ARFGAP3: variants seen among roughly 807,000 people sequenced by gnomAD.
The protein encoded by ARFGAP3 is ADP-ribosylation factor GTPase-activating protein 3.
In ARFGAP3, 72 loss-of-function variants were observed where a neutral mutation model predicts 75.0. The ratio of observed to expected loss-of-function variants is 0.96; its 90% CI spans 0.79 to 1.17. The LOEUF (loss-of-function observed/expected upper bound fraction) is 1.17. Ranked by LOEUF, ARFGAP3 falls within the 50% of genes most tolerant of loss-of-function variation. ARFGAP3 has a pLI of 0.00. For missense variants in ARFGAP3, 620 were observed against 626.6 expected (o/e 0.99, Z 0.11); for synonymous variants, 221 against 217.9 (o/e 1.01, Z -0.13).
At chr22:42,813,389 T>G (rs548081451) in intron 11 of ARFGAP3, among the ~76,000 whole-genome samples, 17 of 152,308 alleles carry the variant, frequency 1.1e-4, no homozygotes, top group Admixed American at 3.9e-4. Flanking sequence ...GGGTCAGCAC[T>G]GGACTGGTGC....
chr22:42,855,503 T>C (rs758905292), intron 1 of ARFGAP3, among the ~76,000 whole-genome samples: 23 of 151,912 alleles, frequency 1.5e-4, no homozygotes, highest in Non-Finnish European at 3.1e-4. Flanking sequence ...GTGACTGACA[T>C]GGTGAAACCT....
At chr22:42,850,197 A>G (rs1181870015) in intron 1 of ARFGAP3, among the ~76,000 whole-genome samples, 1 of 152,134 alleles carries the variant, frequency 6.6e-6, no homozygotes, top group Non-Finnish European at 1.5e-5. Flanking sequence ...AGTAGTATTT[A>G]TAACTCATTA....
chr22:42,817,016 G>C (rs1261421812), intron 11 of ARFGAP3, 126 bp downstream of exon 11: 3 of 720,490 alleles, frequency 4.2e-6, no homozygotes, highest in Admixed American at 2.7e-5. Context: ...TCTGGCTCCA[G>C]CCAGAGCTTT....
At chr22:42,841,831 C>CTTTCCT (rs1926793054) in intron 2 of ARFGAP3, among the ~76,000 whole-genome samples, 1 of 151,024 alleles carries the variant, frequency 6.6e-6, no homozygotes, top group Admixed American at 6.6e-5. Context: ...TCCACCAAAA[C>CTTTCCT]TTTCCTTTGT....
intron 4 of ARFGAP3, 63 bp downstream of exon 4, chr22:42,835,299 A>G: frequency 6.4e-7 from 1 of 1,571,646 alleles, no homozygotes; most frequent in Non-Finnish European, 8.6e-7. Flanking sequence ...TCAGGATAAA[A>G]ATCACTTTTT....
At chr22:42,802,928 C>T (rs2413722) in intron 14 of ARFGAP3, among the ~76,000 whole-genome samples, 59,618 of 152,050 alleles carry the variant, frequency 0.39, 12,269 homozygotes, top group Non-Finnish European at 0.45. Flanking sequence ...TAGAATACCA[C>T]GTATTAATTT....
intron 1 of ARFGAP3, among the ~76,000 whole-genome samples, chr22:42,848,455 G>A (rs576673246): frequency 2.0e-5 from 3 of 152,288 alleles, no homozygotes; most frequent in East Asian, 1.9e-4. Context: ...TGATCCACCC[G>A]CCTTGGACTC....
chr22:42,804,221 T>C (rs748448784), intron 14 of ARFGAP3, among the ~76,000 whole-genome samples: 1 of 151,290 alleles, frequency 6.6e-6, no homozygotes, highest in Non-Finnish European at 1.5e-5. Context: ...TTTCCTTTTC[T>C]TTTTTTTGAA....
intron 9 of ARFGAP3, among the ~76,000 whole-genome samples, chr22:42,818,827 T>TTTTTTTTTTTTTTTTTTTTC (rs1925690080): frequency 6.7e-6 from 1 of 148,778 alleles, no homozygotes; most frequent in Non-Finnish European, 1.5e-5. Flanking sequence ...TCTTTCTGTT[T>TTTTTTTTTTTTTTTTTTTTC]TTTGAAATGG....
At chr22:42,804,376 A>T (rs1332304731) in intron 14 of ARFGAP3, among the ~76,000 whole-genome samples, 3 of 74,478 alleles carry the variant, frequency 4.0e-5, no homozygotes, top group African/African-American at 1.2e-4. Context: ...CACCCAGCTA[A>T]TTTTTTTTTT....
At position 42,847,573 on chromosome 22, in the gene ARFGAP3, G is replaced by C. The variant is rs763477713; in HGVS notation, c.129C>G (p.Phe43Leu). The stretch of plus-strand genomic sequence containing the variant: ...GGGACCCTGAGCAATCAATGCAAAG[G>C]AACACTCCATAGGTTATGCTTGCCC... Reference protein sequence around the residue: ...PSWASITYGVFLCIDCSGSHR... With the variant: ...PSWASITYGVLLCIDCSGSHR... Residue 43 changes from phenylalanine to leucine, a missense_variant, in exon 2 of 16, where the codon TTC becomes TTG. By Grantham distance (22) the Phe-to-Leu change is conservative. Coordinates refer to ENST00000263245, the MANE Select transcript of ARFGAP3 (RefSeq NM_014570.5). 2 of 1,613,570 alleles carry C rather than the reference G, an allele frequency of 1.2e-6. No individual in the cohort carries two copies. Among genetic ancestry groups the C allele is most frequent in the Non-Finnish European group, 1.7e-6 (2 of 1,179,784 alleles).
At position 42,807,089 on chromosome 22, in the gene ARFGAP3, C is replaced by T. The variant is rs904498506; in HGVS notation, c.1395G>A (p.Pro465=). ...SISSADLFEE[P]RKQPAGNYSL... The stretch of plus-strand genomic sequence containing the variant: ...GCCCCCTACCTGCTGGCTGCTTCCT[C>T]GGCTCCTCGAACAGATCAGCCGAGC... The change falls in exon 14 of 16, where the codon CCG becomes CCA. Residue 465 remains proline, a synonymous_variant. Coordinates refer to ENST00000263245, the MANE Select transcript of ARFGAP3 (RefSeq NM_014570.5). The T allele has an allele frequency of 3.1e-6, 5 of 1,611,218 alleles. No individual in the cohort carries two copies. The South Asian group carries it at 3.3e-5, about 11-fold the overall frequency.
chr22:42,844,254 A>G (rs1421656680), intron 2 of ARFGAP3, among the ~76,000 whole-genome samples: 5 of 151,890 alleles, frequency 3.3e-5, no homozygotes, highest in African/African-American at 7.3e-5. Flanking sequence ...CCCAGACTGA[A>G]GTGAAGTGGT....
chr22:42,798,163 A>G, intron 15 of ARFGAP3, among the ~76,000 whole-genome samples: 1 of 152,202 alleles, frequency 6.6e-6, no homozygotes, highest in South Asian at 2.1e-4. Context: ...GACATGAAAG[A>G]GCTCTATGCA....
chr22:42,810,032 G>A (rs1304933714), intron 12 of ARFGAP3, among the ~76,000 whole-genome samples: 1 of 151,070 alleles, frequency 6.6e-6, no homozygotes, highest in Admixed American at 6.6e-5. Context: ...AAAAAAATTG[G>A]GGAAAAAGGT....
In ARFGAP3 at chr22:42,835,475, G is replaced by A. The variant is rs767527010; in HGVS notation, c.280C>T (p.His94Tyr). 1.7e-5 allele frequency: 28 copies of A among 1,613,736 alleles called. No homozygotes were observed. Among genetic ancestry groups the A allele is most frequent in the Non-Finnish European group, 2.3e-5 (27 of 1,179,872 alleles). Reference sequence around the variant, plus strand: ...TTGGTGTCATTGGTGGAACACCCATGTTGATGAAAAAAGGAAGACTACAGA... The same window carrying A: ...TTGGTGTCATTGGTGGAACACCCATATTGATGAAAAAAGGAAGACTACAGA... The part of the protein sequence containing the change: ...NASASSFFHQ[H>Y]GCSTNDTNAK... The change falls in exon 4 of 16, where the codon CAT becomes TAT. Residue 94 changes from histidine (H) to tyrosine (Y), a missense_variant. Transcript: ENST00000263245.
intron 2 of ARFGAP3, among the ~76,000 whole-genome samples, chr22:42,843,314 A>G (rs1926868384): frequency 6.6e-6 from 1 of 152,232 alleles, no homozygotes; most frequent in African/African-American, 2.4e-5. Flanking sequence ...GCATACAAAA[A>G]GTCGCTACAA....
chr22:42,801,599 G>T (rs1924863341), intron 14 of ARFGAP3, among the ~76,000 whole-genome samples: 1 of 152,216 alleles, frequency 6.6e-6, no homozygotes, highest in Admixed American at 6.5e-5. Context: ...CTGCAGCCTG[G>T]CACTGGCCAT....
At chr22:42,824,680 T>TTA (rs1925963260) in intron 7 of ARFGAP3, among the ~76,000 whole-genome samples, 1 of 152,122 alleles carries the variant, frequency 6.6e-6, no homozygotes. Flanking sequence ...ACTTTAAAAA[T>TTA]CATTATAATT....
Sources: allele counts gnomAD v4.1 joint callset (sites outside exome capture counted in the v4.1 genomes callset), GRCh38; gene constraint gnomAD v4.1.1; transcripts MANE v1.5; gene names NCBI Gene and HGNC (gene_info 2026-07-23, HGNC 2026-07-21).